The following EBPL variants were observed in gnomAD, a reference collection of about 807,000 sequenced individuals.
EBPL encodes the protein emopamil-binding protein-like.
Under a neutral mutation model 19.0 loss-of-function variants are expected in EBPL, and 20 were observed. The ratio of observed to expected loss-of-function variants is 1.05; its 90% CI spans 0.74 to 1.53. The LOEUF (loss-of-function observed/expected upper bound fraction) is 1.53, where lower values mean the gene tolerates loss of function less well. Ranked by LOEUF, EBPL falls within the 40% of genes most tolerant of loss-of-function variation. EBPL has a pLI of 0.00. For synonymous variants in EBPL, 107 were observed against 117.0 expected (o/e 0.91, Z 0.55); for missense variants, 219 against 261.1 (o/e 0.84, Z 1.11).
At chr13:49,663,241 T>C (rs1965175624) in intron 2 of EBPL, 46 bp from the exon 3 acceptor site, 4 of 1,607,036 alleles carry the variant, frequency 2.5e-6, no homozygotes, top group East Asian at 4.5e-5. Flanking sequence ...ACAATTTTTA[T>C]GACAGTTCAT....
chr13:49,674,437 A>G (rs1019179472), intron 1 of EBPL, among the ~76,000 whole-genome samples: 2 of 152,222 alleles, frequency 1.3e-5, no homozygotes, highest in Non-Finnish European at 1.5e-5. Flanking sequence ...CCAAAATGTT[A>G]GCATCGTGGA....
chr13:49,686,759 C>T (rs1954003004), intron 1 of EBPL, among the ~76,000 whole-genome samples: 1 of 152,118 alleles, frequency 6.6e-6, no homozygotes, highest in African/African-American at 2.4e-5. Flanking sequence ...TCTGTCTCTC[C>T]AACTCAATTT....
chr13:49,684,285 G>A (rs964332467), intron 1 of EBPL, among the ~76,000 whole-genome samples: 1 of 152,154 alleles, frequency 6.6e-6, no homozygotes, highest in Non-Finnish European at 1.5e-5. Context: ...GCTGGAGGGA[G>A]GAAAAGGGGA....
At chr13:49,662,830 C>T (rs547996286) in intron 3 of EBPL, among the ~76,000 whole-genome samples, 10 of 152,202 alleles carry the variant, frequency 6.6e-5, no homozygotes, top group Admixed American at 5.2e-4. Flanking sequence ...GAGACAGGGT[C>T]TCATTGTATT....
chr13:49,670,156 T>G (rs1005183651), intron 1 of EBPL, among the ~76,000 whole-genome samples: 1 of 152,246 alleles, frequency 6.6e-6, no homozygotes, highest in Non-Finnish European at 1.5e-5. Flanking sequence ...AACTACTGTA[T>G]TAAATAGAGT....
chr13:49,688,668 G>C (rs1207690441), intron 1 of EBPL, among the ~76,000 whole-genome samples: 1 of 145,512 alleles, frequency 6.9e-6, no homozygotes, highest in Admixed American at 7.1e-5. Flanking sequence ...GCAGCGAGCC[G>C]AGATTGCGCC....
chr13:49,668,472 G>C (rs547834861), intron 2 of EBPL: 1 of 244,710 alleles, frequency 4.1e-6, no homozygotes, highest in African/African-American at 2.4e-5. Flanking sequence ...TACTCGGGAG[G>C]CTGAGGCAGG....
Position 49,680,589 on chromosome 13 carries a change from C to T in EBPL, c.171+10665G>A, listed in dbSNP as rs552295153. On this transcript the variant is annotated intron_variant, in intron 1 of 3. Transcript: ENST00000242827. ...CTGTAATCCCAGCACTTTGGGAGGC[C>T]GAGGTGGACAGATCACAATGTCAGG... 5.2e-4 allele frequency among the ~76,000 whole-genome samples: 79 copies of T among 152,180 alleles called. No homozygotes were observed. The South Asian group carries it at 0.012, about 24-fold the overall frequency.
intron 1 of EBPL, among the ~76,000 whole-genome samples, chr13:49,677,584 G>T (rs1953890313): frequency 6.6e-6 from 1 of 152,180 alleles, no homozygotes; most frequent in South Asian, 2.1e-4. Context: ...AGAGGCCCCA[G>T]CTTCAGAATG....
chr13:49,684,944 C>T (rs1953981541), intron 1 of EBPL, among the ~76,000 whole-genome samples: 2 of 152,084 alleles, frequency 1.3e-5, no homozygotes, highest in African/African-American at 4.8e-5. Context: ...CTTGCTCTGT[C>T]GCCCAGGCTG....
At chr13:49,685,868 A>G (rs938895338) in intron 1 of EBPL, among the ~76,000 whole-genome samples, 68 of 151,902 alleles carry the variant, frequency 4.5e-4, no homozygotes, top group Middle Eastern at 3.4e-3. Context: ...GAGAGAGAAA[A>G]AAAAAAAAAG....
chr13:49,669,621 C>T (rs985633238), intron 2 of EBPL, among the ~76,000 whole-genome samples, 156 bp downstream of exon 2: 10 of 152,130 alleles, frequency 6.6e-5, no homozygotes, highest in South Asian at 2.1e-4. Context: ...ACCCTCATTC[C>T]CACGCAACCA....
chr13:49,677,626 G>A (rs546428893), intron 1 of EBPL, among the ~76,000 whole-genome samples: 1 of 152,320 alleles, frequency 6.6e-6, no homozygotes, highest in South Asian at 2.1e-4. Context: ...AAGATTGTAA[G>A]GGCTGGACGT....
At chr13:49,661,354 A>G (rs1009141462) in intron 3 of EBPL, 146 bp from the exon 4 acceptor site, 4 of 673,046 alleles carry the variant, frequency 5.9e-6, no homozygotes, top group Non-Finnish European at 7.8e-6. Flanking sequence ...GGGTGGTGCT[A>G]TTTTGATGGG....
intron 1 of EBPL, chr13:49,686,625 C>G: frequency 3.1e-6 from 4 of 1,287,074 alleles, no homozygotes; most frequent in Non-Finnish European, 4.0e-6. Flanking sequence ...AGATTCTGCT[C>G]TTATTCCTCA....
At chr13:49,688,372 T>G (rs574431529) in intron 1 of EBPL, among the ~76,000 whole-genome samples, 1 of 152,234 alleles carries the variant, frequency 6.6e-6, no homozygotes, top group East Asian at 1.9e-4. Flanking sequence ...TCCAACAGGA[T>G]AGCTTTCAAT....
chr13:49,680,683 G>A (rs909418389), intron 1 of EBPL, among the ~76,000 whole-genome samples: 15 of 152,134 alleles, frequency 9.9e-5, no homozygotes, highest in Admixed American at 5.2e-4. Flanking sequence ...TTAGCTGCGC[G>A]TGGTGGCACG....
intron 1 of EBPL, among the ~76,000 whole-genome samples, chr13:49,679,189 A>T (rs1953916047): frequency 6.6e-6 from 1 of 152,174 alleles, no homozygotes; most frequent in Non-Finnish European, 1.5e-5. Context: ...ATATTAAATG[A>T]ACTGTACAGT....
At chr13:49,672,153 C>T (rs1953824424) in intron 1 of EBPL, among the ~76,000 whole-genome samples, 1 of 152,216 alleles carries the variant, frequency 6.6e-6, no homozygotes, top group Non-Finnish European at 1.5e-5. Flanking sequence ...GTCATCTCTA[C>T]CTTAGAATCC....
Sources: gnomAD v4.1 joint callset for allele counts (sites outside exome capture counted in the v4.1 genomes callset) on GRCh38, gnomAD v4.1.1 for gene constraint, MANE v1.5 for transcripts, NCBI Gene and HGNC (gene_info 2026-07-23, HGNC 2026-07-21) for gene names.